The following MLIP variants were observed in gnomAD, a reference collection of about 807,000 sequenced individuals.
The protein encoded by MLIP is muscular LMNA-interacting protein.
MLIP carries 79 observed loss-of-function variants against 84.8 expected under a neutral mutation model. The observed-to-expected ratio is 0.93, with a 90% CI of 0.78 to 1.12. The LOEUF is 1.12. Ranked by LOEUF, MLIP falls within the 50% of genes most tolerant of loss-of-function variation. MLIP has a pLI of 0.00. For missense variants in MLIP, 1,257 were observed against 1,160.6 expected, an observed-to-expected ratio of 1.08 and a Z score of -1.21; for synonymous variants, 504 against 463.0, an observed-to-expected ratio of 1.09 and a Z score of -1.14.
At position 54,111,496 on chromosome 6, in the gene MLIP, G is replaced by A. The variant is rs577515082; in HGVS notation, c.17G>A (p.Gly6Glu). The A allele has an allele frequency of 2.0e-6, 3 of 1,535,918 alleles. No homozygotes were observed. Among genetic ancestry groups the A allele is most frequent in the South Asian group, 2.4e-5 (2 of 84,046 alleles). The change falls in exon 1 of 14, where the codon GGG becomes GAG. Residue 6 changes from glycine (G) to glutamate (E), a missense_variant. Gly to Glu is a moderately conservative substitution (Grantham distance 98). Coordinates refer to ENST00000502396, the MANE Select transcript of MLIP (RefSeq NM_001281747.2). ...GATGAATCAATGCTTTCAGAACAGGGGCTTCTGAGTGACTGCGGGAACAAT... is the reference window on the plus strand; with the variant it reads ...GATGAATCAATGCTTTCAGAACAGGAGCTTCTGAGTGACTGCGGGAACAAT... Reference protein sequence around the residue: MLSEQGLLSDCGNNYF... With the variant: MLSEQELLSDCGNNYF...
chr6:54,182,327 G>A (rs987015890), intron 9 of MLIP, among the ~76,000 whole-genome samples: 9 of 152,154 alleles, frequency 5.9e-5, no homozygotes, highest in African/African-American at 1.9e-4. Flanking sequence ...TCCCCCAGTT[G>A]CTGTGCTCTT....
intron 1 of MLIP, among the ~76,000 whole-genome samples, chr6:54,083,046 A>G (rs1767265052): frequency 6.6e-6 from 1 of 152,140 alleles, no homozygotes; most frequent in Non-Finnish European, 1.5e-5. Flanking sequence ...TTATTTCTTC[A>G]GTTCCTGGCA....
chr6:54,254,747 CCTT>C (rs1273539641), intron 12 of MLIP, among the ~76,000 whole-genome samples: 90 of 139,036 alleles, frequency 6.5e-4, no homozygotes, highest in African/African-American at 1.9e-3. Flanking sequence ...TCCCTCCCTT[CCTT>C]CCTTCCTTCC....
At position 54,063,936 on chromosome 6, in the gene MLIP, A is replaced by G. The variant is rs557728409; in HGVS notation, c.63+44845A>G. Among the ~76,000 whole-genome samples the G allele has an allele frequency of 3.0e-4, 31 of 103,144 alleles. 11 individuals carry two copies. The South Asian group carries it at 6.9e-3, about 23-fold the overall frequency. The allele number at this position is 103,144 out of a possible 152,430, so 67.7% of individuals were successfully genotyped here. ...TCAAATTAAATAATTTGTTTTATCAAAAACTTCCAATTAGTGTTTAATTGG... is the reference window on the plus strand; with the variant it reads ...TCAAATTAAATAATTTGTTTTATCAGAAACTTCCAATTAGTGTTTAATTGG... On this transcript the variant is annotated intron_variant, in intron 1 of 12. Coordinates refer to the MLIP transcript ENST00000274897.
In MLIP at chr6:54,064,548, A is replaced by G. The variant is rs1242143115; in HGVS notation, c.63+45457A>G. ...CACCCCTGCCGTGGGAATCAAGGTC[A>G]GCTTGCAGCCCTGGTATTCTTAAAG... is the stretch of plus-strand genomic sequence containing the variant. On this transcript the variant is annotated intron_variant, in intron 1 of 12. Coordinates refer to the MLIP transcript ENST00000274897. 6.0e-5 allele frequency among the ~76,000 whole-genome samples: 6 copies of G among 100,196 alleles called. 2 individuals are homozygous for G. Among genetic ancestry groups the G allele is most frequent in the Non-Finnish European group, 1.4e-4 (5 of 34,838 alleles). The allele number at this position is 100,196 out of a possible 152,430, so 65.7% of individuals were successfully genotyped here. A position where few individuals can be genotyped will look rare whatever the true frequency, so the allele number is the denominator to read the frequency against.
intron 10 of MLIP, among the ~76,000 whole-genome samples, chr6:54,195,140 G>A (rs1422344778): frequency 6.6e-6 from 1 of 151,990 alleles, no homozygotes; most frequent in Non-Finnish European, 1.5e-5. Context: ...ACTGGAGAAT[G>A]AAGACAAAAC....
intron 12 of MLIP, among the ~76,000 whole-genome samples, chr6:54,239,540 G>A (rs985176332): frequency 1.1e-4 from 17 of 151,068 alleles, no homozygotes; most frequent in Non-Finnish European, 2.1e-4. Flanking sequence ...GGAGGCTGAG[G>A]TATGCCGATC....
At chr6:54,030,090 C>T (rs1239124224) in intron 1 of MLIP, among the ~76,000 whole-genome samples, 1 of 152,100 alleles carries the variant, frequency 6.6e-6, no homozygotes, top group Non-Finnish European at 1.5e-5. Context: ...AGAAAAAAAC[C>T]ACATATGATT....
At chr6:54,117,894 G>A (rs544469692) in intron 1 of MLIP, among the ~76,000 whole-genome samples, 5 of 152,016 alleles carry the variant, frequency 3.3e-5, no homozygotes, top group African/African-American at 4.8e-5. Context: ...GCAGTGAGCC[G>A]AGATCGTGCC....
At chr6:54,175,399 G>C (rs778337419) in intron 9 of MLIP, among the ~76,000 whole-genome samples, 20 of 151,346 alleles carry the variant, frequency 1.3e-4, no homozygotes, top group Non-Finnish European at 2.4e-4. Flanking sequence ...TTCATTTTTT[G>C]TGTGTCCTCT....
chr6:54,157,865 A>G (rs1774198199), intron 5 of MLIP, among the ~76,000 whole-genome samples: 1 of 152,174 alleles, frequency 6.6e-6, no homozygotes, highest in Non-Finnish European at 1.5e-5. Flanking sequence ...GATTTTTGTT[A>G]TGGTAAGAAA....
At chr6:54,251,052 G>C (rs1442140910) in intron 12 of MLIP, among the ~76,000 whole-genome samples, 3 of 152,118 alleles carry the variant, frequency 2.0e-5, no homozygotes, top group Admixed American at 6.6e-5. Context: ...ATCTAGCCAA[G>C]TGCCTGACCT....
chr6:54,055,077 C>T (rs1765582706), intron 1 of MLIP, among the ~76,000 whole-genome samples: 2 of 152,008 alleles, frequency 1.3e-5, no homozygotes, highest in South Asian at 4.1e-4. Flanking sequence ...TTAGTAGAGA[C>T]GGGGTTTCAC....
chr6:54,100,748 G>A (rs1768583446), intron 1 of MLIP, among the ~76,000 whole-genome samples: 1 of 152,054 alleles, frequency 6.6e-6, no homozygotes, highest in Non-Finnish European at 1.5e-5. Context: ...TAAATGTTAA[G>A]CACTGGGGAT....
intron 1 of MLIP, chr6:54,045,472 T>C (rs1322736143): frequency 6.6e-6 from 1 of 152,226 alleles, no homozygotes; most frequent in East Asian, 1.9e-4. Flanking sequence ...TGAGTCGTCG[T>C]GACTTTTATG....
chr6:54,053,066 A>G (rs1326487038), intron 1 of MLIP, among the ~76,000 whole-genome samples: 1 of 152,204 alleles, frequency 6.6e-6, no homozygotes, highest in Non-Finnish European at 1.5e-5. Flanking sequence ...GTGAGCACTT[A>G]TATTAGCCCC....
At chr6:54,156,782 T>C (rs1326550722) in intron 5 of MLIP, among the ~76,000 whole-genome samples, 2 of 152,092 alleles carry the variant, frequency 1.3e-5, no homozygotes, top group Non-Finnish European at 1.5e-5. Context: ...ATATTCTCTA[T>C]CCTGGGCCTA....
At chr6:54,265,818 A>G in intron 13 of MLIP, 132 bp from the exon 14 acceptor site, 1 of 744,170 alleles carries the variant, frequency 1.3e-6, no homozygotes, top group South Asian at 1.8e-5. Flanking sequence ...AATAAAAATA[A>G]GCTTTTCCTA....
At chr6:54,186,388 G>T (rs1777394302) in intron 9 of MLIP, among the ~76,000 whole-genome samples, 1 of 152,152 alleles carries the variant, frequency 6.6e-6, no homozygotes, top group Non-Finnish European at 1.5e-5. Context: ...AGCCTCCCAT[G>T]TAAATGCAGA....
Sources: gnomAD v4.1 joint callset for allele counts (sites outside exome capture counted in the v4.1 genomes callset) on GRCh38, gnomAD v4.1.1 for gene constraint, MANE v1.5 for transcripts, NCBI Gene and HGNC (gene_info 2026-07-23, HGNC 2026-07-21) for gene names.